LAMB4: variants seen among roughly 807,000 people sequenced by gnomAD.
LAMB4 encodes laminin subunit beta 4.
A neutral mutation model predicts 199.2 loss-of-function variants in LAMB4; 196 were observed. That is an observed-to-expected ratio of 0.98 (90% CI 0.88 to 1.11). The LOEUF is 1.11. Among genes scored for constraint, LAMB4 ranks in the 50% least tolerant of loss-of-function variants. The pLI is 0.00. For synonymous variants in LAMB4, 744 were observed against 770.6 expected, an observed-to-expected ratio of 0.97 and a Z score of 0.57; for missense variants, 2,080 against 2,171.2, an observed-to-expected ratio of 0.96 and a Z score of 0.83.
chr7:108,129,702 T>A (rs1324610401), intron 1 of LAMB4, among the ~76,000 whole-genome samples: 1 of 152,036 alleles, frequency 6.6e-6, no homozygotes, highest in South Asian at 2.1e-4. Flanking sequence ...TACGGCTGTA[T>A]AGTTTTTACA....
chr7:108,047,954 G>C lies in LAMB4; in HGVS notation c.4280C>G (p.Ser1427Cys), dbSNP rs780766440. ...NALQKAQEAK[S>C]IIRNLDKQVR... ...CTGTTTGTCCAAATTACGAATAATGGATTTTGCTTCCTGGGCTTTTTGGAG... is the reference window on the plus strand; with the variant it reads ...CTGTTTGTCCAAATTACGAATAATGCATTTTGCTTCCTGGGCTTTTTGGAG... Residue 1427 changes from serine to cysteine, a missense_variant, in exon 28 of 34, where the codon TCC becomes TGC. Physicochemically the swap from Ser to Cys is moderately radical, Grantham distance 112. Coordinates refer to ENST00000388781, the MANE Select transcript of LAMB4 (RefSeq NM_007356.3). 7.4e-6 allele frequency: 12 copies of C among 1,614,014 alleles called. No homozygotes were observed. Among genetic ancestry groups the C allele is most frequent in the Non-Finnish European group, 1.0e-5 (12 of 1,180,038 alleles).
At chr7:108,128,114 G>T (rs1279193421) in intron 1 of LAMB4, among the ~76,000 whole-genome samples, 1 of 152,108 alleles carries the variant, frequency 6.6e-6, no homozygotes, top group Non-Finnish European at 1.5e-5. Context: ...AACAAAGGTT[G>T]CCAGGTGGAG....
intron 14 of LAMB4, among the ~76,000 whole-genome samples, chr7:108,089,302 A>G (rs2037308653): frequency 6.6e-6 from 1 of 152,172 alleles, no homozygotes. Context: ...CCCAAAAAAT[A>G]AAGTTTAGCC....
chr7:108,078,320 G>C lies in LAMB4; in HGVS notation c.1888-4C>G. The stretch of plus-strand genomic sequence containing the variant: ...GGACAGTCCAGTCAGCTGCAGACTA[G>C]ACAGGCATGACATTAAGGCATGTCA... On this transcript the variant is annotated splice_region_variant and splice_polypyrimidine_tract_variant and intron_variant, in intron 15 of 33. Transcript: ENST00000388781. 1.9e-6 allele frequency: 3 copies of C among 1,546,158 alleles called. No individual in the cohort carries two copies. The highest frequency in any genetic ancestry group is 2.3e-5 in the South Asian group (2 of 87,372).
intron 17 of LAMB4, among the ~76,000 whole-genome samples, chr7:108,071,432 TCTC>T (rs1422903169): frequency 2.6e-5 from 4 of 152,094 alleles, no homozygotes; most frequent in Non-Finnish European, 5.9e-5. Context: ...TGAATTTACA[TCTC>T]CTGTGCACCT....
At chr7:108,077,554 C>T (rs1010066478) in intron 16 of LAMB4, among the ~76,000 whole-genome samples, 1 of 152,056 alleles carries the variant, frequency 6.6e-6, no homozygotes, top group Non-Finnish European at 1.5e-5. Context: ...GTTAGCCAGG[C>T]GTGGTGGAAT....
chr7:108,115,148 C>T (rs1254322778), intron 3 of LAMB4, among the ~76,000 whole-genome samples: 2 of 152,110 alleles, frequency 1.3e-5, no homozygotes. Flanking sequence ...GCCAAGTAGA[C>T]TAGTAAATTT....
At position 108,043,916 on chromosome 7, in the gene LAMB4, A is replaced by G. The variant is rs778770333; in HGVS notation, c.4327-20T>C. 8 of 1,592,678 alleles carry G rather than the reference A, an allele frequency of 5.0e-6. No individual in the cohort carries two copies. The highest frequency in any genetic ancestry group is 1.7e-4 in the Middle Eastern group (1 of 6,014). ...TTCGATCTGGAATGAGAAAAACACAATGAAGAATACTCGACAATATACTCA... is the reference window on the plus strand; with the variant it reads ...TTCGATCTGGAATGAGAAAAACACAGTGAAGAATACTCGACAATATACTCA... On this transcript the variant is annotated intron_variant, in intron 28 of 33. Coordinates refer to ENST00000388781, the MANE Select transcript of LAMB4 (RefSeq NM_007356.3).
intron 20 of LAMB4, 37 bp downstream of exon 20, chr7:108,066,332 A>G (rs2150554515): frequency 2.7e-6 from 4 of 1,479,456 alleles, no homozygotes; most frequent in Non-Finnish European, 3.8e-6. Context: ...ACAAAGTGTT[A>G]AAGACCTAAA....
downstream of LAMB4, among the ~76,000 whole-genome samples, chr7:108,021,326 G>A (rs2034688055): frequency 6.6e-6 from 1 of 152,138 alleles, no homozygotes; most frequent in African/African-American, 2.4e-5. Flanking sequence ...TGAGACTGTG[G>A]GTTGGTTTCC....
At chr7:108,077,327 G>C (rs574741866) in intron 16 of LAMB4, among the ~76,000 whole-genome samples, 1 of 152,146 alleles carries the variant, frequency 6.6e-6, no homozygotes, top group South Asian at 2.1e-4. Flanking sequence ...GACAGCTCTG[G>C]GGAAAGGATG....
chr7:108,095,408 A>G, intron 11 of LAMB4, 71 bp from the exon 12 acceptor site: 9 of 1,124,528 alleles, frequency 8.0e-6, no homozygotes, highest in Non-Finnish European at 1.2e-5. Flanking sequence ...TTAATAGCTC[A>G]CACAAAGCAA....
intron 17 of LAMB4, among the ~76,000 whole-genome samples, chr7:108,073,339 C>T (rs1166773817): frequency 6.6e-6 from 1 of 152,248 alleles, no homozygotes; most frequent in Non-Finnish European, 1.5e-5. Flanking sequence ...TGACTCACTT[C>T]TTCTACCAGA....
At chr7:108,014,712 G>A in the LAMB4 span, among the ~76,000 whole-genome samples, 4 of 147,310 alleles carry the variant, frequency 2.7e-5, no homozygotes, top group African/African-American at 1.1e-4. Context: ...GACTAGAACT[G>A]GTTGTTGTTT....
At position 108,115,985 on chromosome 7, in the gene LAMB4, A is replaced by C. The variant is rs370041507; in HGVS notation, c.192+19T>G. 1.7e-5 allele frequency: 28 copies of C among 1,603,970 alleles called. No individual in the cohort carries two copies. In the African/African-American group the frequency reaches 2.7e-4, roughly 15 times the overall value. On this transcript the variant is annotated intron_variant, in intron 3 of 33. Coordinates refer to ENST00000388781, the MANE Select transcript of LAMB4 (RefSeq NM_007356.3). ...TTGATTAAATAATGTCCCAGCAAAT[A>C]AACAAAGAGCCAACCCACCTCCAGG...
rs755622079 is a variant in LAMB4 at position 108,091,654 on chromosome 7, G to C, written c.1673C>G (p.Ala558Gly). 1 of 1,613,974 alleles carries C rather than the reference G, an allele frequency of 6.2e-7. No homozygotes were observed. Among genetic ancestry groups the C allele is most frequent in the South Asian group, 1.1e-5 (1 of 91,052 alleles). ...LNFYLYEAEEATTLQGLAPLG... is the reference protein window; with the variant it reads ...LNFYLYEAEEGTTLQGLAPLG... ...AGGCGCCAGTCCTTGGAGTGTTGTG[G>C]CTTCCTCTGCCTCGTAGAGATAGAA... The change falls in exon 14 of 34, where the codon GCC becomes GGC. Residue 558 changes from alanine (A) to glycine (G), a missense_variant. Coordinates refer to ENST00000388781, the MANE Select transcript of LAMB4 (RefSeq NM_007356.3).
chr7:108,015,923 C>T, the LAMB4 span, among the ~76,000 whole-genome samples: 28 of 152,072 alleles, frequency 1.8e-4, no homozygotes, highest in Non-Finnish European at 4.0e-4. Flanking sequence ...CTATTTGGTT[C>T]GCTTTGTCTT....
At chr7:108,015,348 A>G in the LAMB4 span, among the ~76,000 whole-genome samples, 1 of 152,208 alleles carries the variant, frequency 6.6e-6, no homozygotes, top group African/African-American at 2.4e-5. Context: ...GGAATTCTCA[A>G]ACAGTGGTTT....
At chr7:108,099,770 TTTAG>T (rs2037754243) in intron 10 of LAMB4, among the ~76,000 whole-genome samples, 1 of 152,200 alleles carries the variant, frequency 6.6e-6, no homozygotes, top group East Asian at 1.9e-4. Context: ...ATAACCACCA[TTTAG>T]GTTAGTGAGT....
Sources: allele counts gnomAD v4.1 joint callset (sites outside exome capture counted in the v4.1 genomes callset), GRCh38; gene constraint gnomAD v4.1.1; transcripts MANE v1.5; gene names NCBI Gene and HGNC (gene_info 2026-07-23, HGNC 2026-07-21).